ZNF217: variants seen among roughly 807,000 people sequenced by gnomAD.
The protein encoded by ZNF217 is zinc finger protein 217.
A neutral mutation model predicts 73.3 loss-of-function variants in ZNF217; 12 were observed. The ratio of observed to expected loss-of-function variants is 0.16; its 90% CI spans 0.10 to 0.27. The LOEUF (loss-of-function observed/expected upper bound fraction) is 0.27. Ranked by LOEUF, ZNF217 falls within the 10% of genes least tolerant of loss-of-function variation. The pLI is 1.00. For synonymous variants in ZNF217, 588 were observed against 516.4 expected (o/e 1.14, Z -1.88); for missense variants, 1,195 against 1,327.8 (o/e 0.90, Z 1.55).
Position 53,583,119 on chromosome 20 carries a change from T to C in ZNF217, c.-293A>G, listed in dbSNP as rs1988570048. On this transcript the variant is annotated 5_prime_UTR_variant, in exon 2 of 6. Coordinates refer to ENST00000371471, the MANE Select transcript of ZNF217 (RefSeq NM_006526.3). Reference sequence around the variant, plus strand: ...TGTCTCCATTGAATGAGTGTTTCAATTGAGCAAGAAGTCAATCCCAGCAAC... The same window carrying C: ...TGTCTCCATTGAATGAGTGTTTCAACTGAGCAAGAAGTCAATCCCAGCAAC... 1 of 416,418 alleles carries C rather than the reference T, an allele frequency of 2.4e-6. No homozygotes were observed. The highest frequency in any genetic ancestry group is 3.5e-5 in the East Asian group (1 of 28,870). The allele number at this position is 416,418 out of a possible 1,614,324, so 25.8% of individuals were successfully genotyped here.
chr20:53,579,584 T>C (rs1234927047), intron 2 of ZNF217, among the ~76,000 whole-genome samples: 1 of 152,236 alleles, frequency 6.6e-6, no homozygotes, highest in Non-Finnish European at 1.5e-5. Context: ...CCCAACTATG[T>C]GTCAGGATTT....
At chr20:53,573,079 T>C (rs1373824800) in intron 4 of ZNF217, among the ~76,000 whole-genome samples, 2 of 150,534 alleles carry the variant, frequency 1.3e-5, no homozygotes, top group African/African-American at 4.9e-5. Context: ...AGGTCCCTAA[T>C]ATAAAACAGT....
intron 1 of ZNF217, among the ~76,000 whole-genome samples, chr20:53,586,215 C>T (rs1214379340): frequency 6.6e-6 from 1 of 152,062 alleles, no homozygotes; most frequent in African/African-American, 2.4e-5. Context: ...ATTAGGCACT[C>T]GACACATAGC....
intron 5 of ZNF217, among the ~76,000 whole-genome samples, chr20:53,571,389 A>G: frequency 2.1e-5 from 2 of 96,926 alleles, no homozygotes; most frequent in Admixed American, 1.1e-4. Context: ...GATCAAGTAA[A>G]ATCAATCCCC....
At chr20:53,574,794 C>CA (rs71194500) in intron 4 of ZNF217, 10,810 of 105,186 alleles carry the variant, frequency 0.1, 713 homozygotes, top group East Asian at 0.26. Flanking sequence ...AACTCCGTCT[C>CA]AAAAAAAAAA....
At chr20:53,577,493 C>T (rs1334564131) in intron 3 of ZNF217, among the ~76,000 whole-genome samples, 1 of 152,202 alleles carries the variant, frequency 6.6e-6, no homozygotes, top group Non-Finnish European at 1.5e-5. Flanking sequence ...AACAGCAACA[C>T]TTCTAACTTA....
At position 53,581,441 on chromosome 20, in the gene ZNF217, A is replaced by G. The variant is rs780087546; in HGVS notation, c.1366+20T>C. ...ACAGACACAGGCGGAACAGCACGGGACGGAGACAGGGCAGCTTACCCAGAT... is the reference window on the plus strand; with the variant it reads ...ACAGACACAGGCGGAACAGCACGGGGCGGAGACAGGGCAGCTTACCCAGAT... On this transcript the variant is annotated intron_variant, in intron 2 of 5. Transcript: ENST00000371471. This position sits in a 1 kb window ranked among gnomAD's most constrained non-coding sequence, Gnocchi z 4.9. The G allele has an allele frequency of 6.3e-7, 1 of 1,588,602 alleles. No homozygotes were observed. Among genetic ancestry groups the G allele is most frequent in the East Asian group, 2.2e-5 (1 of 44,550 alleles).
At chr20:53,592,836 T>TA (rs1279504231) in intron 1 of ZNF217, among the ~76,000 whole-genome samples, 3,062 of 115,496 alleles carry the variant, frequency 0.027, 60 homozygotes, top group South Asian at 0.087. Context: ...AAACTTCCCT[T>TA]AAAAAAAAAA....
chr20:53,590,979 A>C (rs1443212198), intron 1 of ZNF217, among the ~76,000 whole-genome samples: 3 of 152,180 alleles, frequency 2.0e-5, no homozygotes, highest in African/African-American at 7.2e-5. Context: ...GAAAAATGCA[A>C]ATCTACCCCC....
chr20:53,576,392 T>C lies in ZNF217; in HGVS notation c.2372A>G (p.Lys791Arg). 6.2e-7 allele frequency: 1 copy of C among 1,614,234 alleles called. No homozygotes were observed. Among genetic ancestry groups the C allele is most frequent in the Non-Finnish European group, 8.5e-7 (1 of 1,180,046 alleles). The change falls in exon 4 of 6, where the codon AAG (lysine) becomes AGG (arginine). Residue 791 changes from lysine to arginine, a missense_variant. Coordinates refer to ENST00000371471, the MANE Select transcript of ZNF217 (RefSeq NM_006526.3). ...TGGCCCAGGAGGGCTCTGCTTCCCC[T>C]TCGCAGATGGCAGGGATTTGGACTG... is the stretch of plus-strand genomic sequence containing the variant. ...PAQSKSLPSA[K>R]GKQSPPGPGK... is the part of the protein sequence containing the mutation.
In ZNF217 at chr20:53,582,091, T is replaced by C. The variant is rs2145958537; in HGVS notation, c.736A>G (p.Thr246Ala). Residue 246 changes from threonine (T) to alanine (A), a missense_variant, in exon 2 of 6, where the codon ACC becomes GCC. Coordinates refer to ENST00000371471, the MANE Select transcript of ZNF217 (RefSeq NM_006526.3). This position sits in a 1 kb window ranked among gnomAD's most constrained non-coding sequence, Gnocchi z 4.8. ...KVHTKKTAFG[T>A]SSAQTDSPQG... is the part of the protein sequence containing the mutation. Reference sequence around the variant, plus strand: ...GGAGAGTCTGTCTGCGCGCTGCTGGTACCGAAAGCAGTTTTTTTGGTGTGC... The same window carrying C: ...GGAGAGTCTGTCTGCGCGCTGCTGGCACCGAAAGCAGTTTTTTTGGTGTGC... 1 of 1,614,250 alleles carries C rather than the reference T, an allele frequency of 6.2e-7. No homozygotes were observed. Among genetic ancestry groups the C allele is most frequent in the African/African-American group, 1.3e-5 (1 of 75,062 alleles).
At chr20:53,589,592 G>C (rs1412736253) in intron 1 of ZNF217, among the ~76,000 whole-genome samples, 1 of 152,226 alleles carries the variant, frequency 6.6e-6, no homozygotes, top group Non-Finnish European at 1.5e-5. Context: ...TTTTAGGAAA[G>C]AATGGTCCCT....
rs768050595 is a variant in ZNF217 at position 53,582,561 on chromosome 20, C to T, written c.266G>A (p.Arg89Gln). The T allele has an allele frequency of 2.1e-5, 34 of 1,614,026 alleles. No individual in the cohort carries two copies. Among genetic ancestry groups the T allele is most frequent in the Non-Finnish European group, 2.6e-5 (31 of 1,180,040 alleles). The change falls in exon 2 of 6, where the codon CGG becomes CAG. Residue 89 changes from arginine (R) to glutamine (Q), a missense_variant. Arg to Gln is a conservative substitution (Grantham distance 43). Transcript: ENST00000371471. The surrounding 1 kb of genome is among the most constrained non-coding windows in gnomAD (Gnocchi z 4.8). The stretch of plus-strand genomic sequence containing the variant: ...AACTGCTGGTTCACAGAGGGTAGGC[C>T]GGTGTTGCATTAAGACATGTTTATT... Reference protein sequence around the residue: ...DLNKHVLMQHRPTLCEPAVLR... With the variant: ...DLNKHVLMQHQPTLCEPAVLR...
At chr20:53,593,920 T>C (rs1988980776), upstream of ZNF217, 4 of 150,618 alleles carry the variant, frequency 2.7e-5, no homozygotes, top group East Asian at 8.0e-4. Flanking sequence ...TCTCAGCCTT[T>C]TGTGCGGACA....
rs1988271016 is a variant in ZNF217 at position 53,576,388 on chromosome 20, C to G, written c.2376G>C (p.Gly792=). The change falls in exon 4 of 6, where the codon GGG becomes GGC. Residue 792 remains glycine (G), a synonymous_variant. Transcript: ENST00000371471. ...TGCCTGGCCCAGGAGGGCTCTGCTT[C>G]CCCTTCGCAGATGGCAGGGATTTGG... ...AQSKSLPSAK[G]KQSPPGPGKA... is the part of the protein sequence containing the mutation. 6.2e-7 allele frequency: 1 copy of G among 1,614,238 alleles called. No individual in the cohort carries two copies. The highest frequency in any genetic ancestry group is 8.5e-7 in the Non-Finnish European group (1 of 1,180,050).
chr20:53,590,843 C>T (rs1988854015), intron 1 of ZNF217, among the ~76,000 whole-genome samples: 1 of 152,158 alleles, frequency 6.6e-6, no homozygotes, highest in Admixed American at 6.5e-5. Context: ...ATTATTTCAT[C>T]AGTTTATAAG....
Position 53,581,973 on chromosome 20 carries a change from C to G in ZNF217, c.854G>C (p.Arg285Thr), listed in dbSNP as rs763868677. Residue 285 changes from arginine (R) to threonine (T), a missense_variant, in exon 2 of 6, where the codon AGA becomes ACA. By Grantham distance (71) the Arg-to-Thr change is moderately conservative. Transcript: ENST00000371471. This position sits in a 1 kb window ranked among gnomAD's most constrained non-coding sequence, Gnocchi z 4.9. Reference sequence around the variant, plus strand: ...GAACGGATCGAGCTGAGGGATGCATCTGACAGGCTTCTTCCCCGTTTCAGG... The same window carrying G: ...GAACGGATCGAGCTGAGGGATGCATGTGACAGGCTTCTTCCCCGTTTCAGG... ...SHPETGKKPV[R>T]CIPQLDPFTT... 14 of 1,614,094 alleles carry G rather than the reference C, an allele frequency of 8.7e-6. No homozygotes were observed. Among genetic ancestry groups the G allele is most frequent in the Non-Finnish European group, 1.1e-5 (13 of 1,180,062 alleles).
intron 1 of ZNF217, among the ~76,000 whole-genome samples, chr20:53,590,052 T>A (rs557815195): frequency 2.3e-4 from 35 of 152,286 alleles, no homozygotes; most frequent in South Asian, 1.2e-3. Flanking sequence ...TGGTAGCTGT[T>A]CTGTAAATAC....
upstream of ZNF217, among the ~76,000 whole-genome samples, chr20:53,596,514 A>C (rs6022607): frequency 1.3e-5 from 2 of 151,942 alleles, no homozygotes; most frequent in Non-Finnish European, 2.9e-5. Context: ...GCTTTTCCCT[A>C]AGACACATTC....
Sources: allele counts gnomAD v4.1 joint callset (sites outside exome capture counted in the v4.1 genomes callset), GRCh38; gene constraint gnomAD v4.1.1; non-coding constraint Gnocchi (gnomAD v3.1); transcripts MANE v1.5; gene names NCBI Gene and HGNC (gene_info 2026-07-23, HGNC 2026-07-21).